The following CNTN4 variants were observed in gnomAD, a reference collection of about 807,000 sequenced individuals.
CNTN4 encodes the protein contactin 4, also known as contactin-4.
In CNTN4, 77 loss-of-function variants were observed where a neutral mutation model predicts 122.5. The observed-to-expected ratio is 0.63, with a 90% confidence interval of 0.52 to 0.76. CNTN4 has a LOEUF of 0.76. Ranked by LOEUF, CNTN4 falls within the 30% of genes least tolerant of loss-of-function variation. The pLI is 0.00. For synonymous variants in CNTN4, 512 were observed against 447.0 expected (o/e 1.15, Z -1.83); for missense variants, 1,256 against 1,259.1 (o/e 1.00, Z 0.04).
intron 3 of CNTN4, among the ~76,000 whole-genome samples, chr3:2,534,191 C>T (rs1475971511): frequency 6.6e-6 from 1 of 152,070 alleles, no homozygotes; most frequent in Non-Finnish European, 1.5e-5. Flanking sequence ...ATGCCTATGT[C>T]CTGAATGGTA....
chr3:2,216,525 G>A (rs546557770), intron 2 of CNTN4, among the ~76,000 whole-genome samples: 8 of 151,978 alleles, frequency 5.3e-5, no homozygotes, highest in Non-Finnish European at 8.8e-5. Flanking sequence ...CATGTACCCC[G>A]AACCTAAAAT....
chr3:2,221,507 A>T (rs905247423), intron 2 of CNTN4, among the ~76,000 whole-genome samples: 2 of 151,564 alleles, frequency 1.3e-5, no homozygotes, highest in Non-Finnish European at 2.9e-5. Flanking sequence ...TTGAGATAAG[A>T]CAAAAAAAAA....
intron 4 of CNTN4, among the ~76,000 whole-genome samples, chr3:2,620,827 T>C (rs2081962859): frequency 1.3e-5 from 2 of 152,194 alleles, no homozygotes; most frequent in Non-Finnish European, 2.9e-5. Flanking sequence ...AGCACTCTAA[T>C]TCCAGAATGC....
In CNTN4 at chr3:2,428,138, G is replaced by C. The variant is rs545294570; in HGVS notation, c.-89+88905G>C. Among the ~76,000 whole-genome samples, 35 of 152,258 alleles carry C rather than the reference G, an allele frequency of 2.3e-4. No individual in the cohort carries two copies. In the South Asian group the frequency reaches 7.0e-3, roughly 31 times the overall value. ...TATGATGTTAGCTGGTTATTTTGCT[G>C]AGTAGTTGATGCAGTTTCTTCCTAG... is the stretch of plus-strand genomic sequence containing the variant. On this transcript the variant is annotated intron_variant, in intron 3 of 24. Transcript: ENST00000418658.
At position 2,211,441 on chromosome 3, in the gene CNTN4, C is replaced by T. The variant is rs1484128953; in HGVS notation, c.-145+110802C>T. Among the ~76,000 whole-genome samples the T allele has an allele frequency of 5.3e-5, 8 of 152,192 alleles. No homozygotes were observed. In the South Asian group the frequency reaches 8.3e-4, roughly 16 times the overall value. On this transcript the variant is annotated intron_variant, in intron 2 of 24. Transcript: ENST00000418658. ...TAGGTTCAGAGCAAACTTTTCCTAC[C>T]GTATGCGTTGTGTAGTTTTATGTCA...
chr3:2,292,261 A>G (rs887827962), intron 2 of CNTN4, among the ~76,000 whole-genome samples: 6 of 152,232 alleles, frequency 3.9e-5, no homozygotes, highest in Non-Finnish European at 7.3e-5. Context: ...CTCTTGCACA[A>G]CAGAATGAAC....
chr3:2,562,749 G>A (rs1275069961), intron 3 of CNTN4, among the ~76,000 whole-genome samples: 2 of 151,122 alleles, frequency 1.3e-5, no homozygotes, highest in Non-Finnish European at 2.9e-5. Context: ...TTTGAGACAG[G>A]GTCTTACACT....
chr3:2,623,410 T>A (rs1559316374), intron 4 of CNTN4, among the ~76,000 whole-genome samples: 1 of 152,164 alleles, frequency 6.6e-6, no homozygotes, highest in Non-Finnish European at 1.5e-5. Context: ...GATTAATCCT[T>A]ATCCAACCAC....
At chr3:2,204,561 AAC>A (rs1295183817) in intron 2 of CNTN4, among the ~76,000 whole-genome samples, 56 of 152,216 alleles carry the variant, frequency 3.7e-4, no homozygotes, top group Non-Finnish European at 4.4e-5. Flanking sequence ...AAAACTCATA[AAC>A]ACAACCTTTA....
intron 7 of CNTN4, among the ~76,000 whole-genome samples, chr3:2,850,526 A>G (rs2150643654): frequency 6.6e-6 from 1 of 152,298 alleles, no homozygotes; most frequent in East Asian, 1.9e-4. Flanking sequence ...GAGACTTTAC[A>G]TGGAGGGACT....
chr3:2,121,899 A>G (rs574084505), intron 2 of CNTN4, among the ~76,000 whole-genome samples: 3 of 152,082 alleles, frequency 2.0e-5, no homozygotes, highest in South Asian at 2.1e-4. Context: ...ATTTTTCTTT[A>G]TCACACCTGT....
rs188041189 is a variant in CNTN4 at position 2,178,837 on chromosome 3, C to T, written c.-145+78198C>T. Among the ~76,000 whole-genome samples, 39 of 152,038 alleles carry T rather than the reference C, an allele frequency of 2.6e-4. No homozygotes were observed. In the East Asian group the frequency reaches 3.3e-3, roughly 13 times the overall value. ...GCCAGACTACAACACAGATGGTGCA[C>T]ACAGGAAGAAAATCTCTGATTGGTA... On this transcript the variant is annotated intron_variant, in intron 2 of 24. Transcript: ENST00000418658.
chr3:2,313,354 A>G (rs1035296908), intron 2 of CNTN4, among the ~76,000 whole-genome samples: 1 of 152,042 alleles, frequency 6.6e-6, no homozygotes, highest in Non-Finnish European at 1.5e-5. Context: ...CATGTTTAAA[A>G]ACATTAATAA....
chr3:2,199,928 C>T (rs2038019089), intron 2 of CNTN4, among the ~76,000 whole-genome samples: 1 of 152,044 alleles, frequency 6.6e-6, no homozygotes, highest in Non-Finnish European at 1.5e-5. Context: ...ATATTCTAAG[C>T]ATATGAAGGT....
At chr3:2,926,243 C>G (rs558737317) in intron 13 of CNTN4, among the ~76,000 whole-genome samples, 1 of 152,250 alleles carries the variant, frequency 6.6e-6, no homozygotes, top group East Asian at 1.9e-4. Flanking sequence ...AAAACTCATT[C>G]TTTTCAAAAC....
At chr3:2,429,545 C>T (rs371107107) in intron 3 of CNTN4, among the ~76,000 whole-genome samples, 2 of 152,172 alleles carry the variant, frequency 1.3e-5, no homozygotes, top group African/African-American at 2.4e-5. Flanking sequence ...CCACTTGAGG[C>T]GGCAGTCTGT....
chr3:2,399,657 A>G (rs1162983191), intron 3 of CNTN4, among the ~76,000 whole-genome samples: 1 of 152,074 alleles, frequency 6.6e-6, no homozygotes, highest in African/African-American at 2.4e-5. Flanking sequence ...CACCCTCCAT[A>G]TACTAAATGC....
intron 23 of CNTN4, 119 bp downstream of exon 23, chr3:3,043,823 A>G (rs575209092): frequency 2.6e-5 from 19 of 737,048 alleles, no homozygotes; most frequent in African/African-American, 2.1e-4. Context: ...CCTACCCTCT[A>G]GGAATCGCTG....
At chr3:2,130,152 G>A (rs2034383422) in intron 2 of CNTN4, among the ~76,000 whole-genome samples, 1 of 151,942 alleles carries the variant, frequency 6.6e-6, no homozygotes, top group Admixed American at 6.6e-5. Flanking sequence ...TTATTGTATG[G>A]GGGTTTGCAC....
Sources: allele counts gnomAD v4.1 joint callset (sites outside exome capture counted in the v4.1 genomes callset), GRCh38; gene constraint gnomAD v4.1.1; transcripts MANE v1.5; gene names NCBI Gene and HGNC (gene_info 2026-07-23, HGNC 2026-07-21).